The following BCL2L11 variants were observed in gnomAD, a reference collection of about 807,000 sequenced individuals.
The protein encoded by BCL2L11 is bcl-2-like protein 11.
BCL2L11 carries 15 observed loss-of-function variants against 20.6 expected under a neutral mutation model. The observed-to-expected ratio is 0.73, with a 90% CI of 0.49 to 1.12. The LOEUF (loss-of-function observed/expected upper bound fraction) is 1.12. Among genes scored for constraint, BCL2L11 ranks in the 50% most tolerant of loss-of-function variants. The pLI is 0.00. For synonymous variants in BCL2L11, 108 were observed against 92.8 expected, an observed-to-expected ratio of 1.16 and a Z score of -0.94; for missense variants, 292 against 260.9, an observed-to-expected ratio of 1.12 and a Z score of -0.82.
At chr2:111,123,318 G>A (rs889507208) in intron 1 of BCL2L11, 6 of 985,382 alleles carry the variant, frequency 6.1e-6, no homozygotes, top group African/African-American at 3.5e-5. Flanking sequence ...GCGGCCAGCC[G>A]CCTGCAATCG....
chr2:111,164,501 G>T lies in BCL2L11; in HGVS notation c.*270G>T. The T allele has an allele frequency of 3.1e-6, 1 of 317,560 alleles. No homozygotes were observed. The highest frequency in any genetic ancestry group is 5.2e-5 in the East Asian group (1 of 19,138). The allele number at this position is 317,560 out of a possible 1,614,324, so 19.7% of individuals were successfully genotyped here. The stretch of plus-strand genomic sequence containing the variant: ...TACAAACCATGGTTTTTTGGAGCAG[G>T]ATTTTGTGTAAGAATGGTGTTTACA... On this transcript the variant is annotated 3_prime_UTR_variant, in exon 4 of 4. Transcript: ENST00000393256.
chr2:111,157,122 G>A (rs980036300), intron 3 of BCL2L11, among the ~76,000 whole-genome samples: 4 of 152,224 alleles, frequency 2.6e-5, no homozygotes, highest in Admixed American at 6.5e-5. Flanking sequence ...CCACGTGTGA[G>A]TGCTCATCTG....
chr2:111,144,301 A>C (rs2076221583), intron 2 of BCL2L11, among the ~76,000 whole-genome samples: 1 of 152,180 alleles, frequency 6.6e-6, no homozygotes, highest in African/African-American at 2.4e-5. Context: ...GCTCAGCGGA[A>C]TTGATTGGGA....
At chr2:111,154,353 GA>G (rs556911619) in intron 3 of BCL2L11, among the ~76,000 whole-genome samples, 241 of 104,414 alleles carry the variant, frequency 2.3e-3, no homozygotes, top group Middle Eastern at 5.3e-3. Context: ...GCCCTTCTCA[GA>G]AAAAAAAAAA....
At chr2:111,126,538 T>TG (rs796879134) in intron 2 of BCL2L11, among the ~76,000 whole-genome samples, 1 of 152,184 alleles carries the variant, frequency 6.6e-6, no homozygotes, top group African/African-American at 2.4e-5. Context: ...GAGTTGGGGT[T>TG]GGGGGAGGAA....
chr2:111,143,011 G>A (rs536784873), intron 2 of BCL2L11, among the ~76,000 whole-genome samples: 8 of 152,234 alleles, frequency 5.3e-5, no homozygotes, highest in East Asian at 1.9e-4. Flanking sequence ...AGTTTACCTC[G>A]TCAGTAGAAA....
chr2:111,160,652 C>T (rs2078440446), intron 3 of BCL2L11, among the ~76,000 whole-genome samples: 1 of 152,134 alleles, frequency 6.6e-6, no homozygotes, highest in Non-Finnish European at 1.5e-5. Flanking sequence ...TCTTTGTGCA[C>T]TTGTGATTGT....
chr2:111,156,927 C>G (rs985661922), intron 3 of BCL2L11, among the ~76,000 whole-genome samples: 9 of 152,146 alleles, frequency 5.9e-5, no homozygotes, highest in Non-Finnish European at 1.2e-4. Flanking sequence ...AAGGGAGATG[C>G]CAGGAACTCT....
At position 111,164,267 on chromosome 2, in the gene BCL2L11, T is replaced by C; in HGVS notation, c.*36T>C. On this transcript the variant is annotated 3_prime_UTR_variant, in exon 4 of 4. Transcript: ENST00000393256. ...GCGGAGCCGAGATACCATGCAGACA[T>C]TTTGCTTGTTCAAACCAACAAGACC... is the stretch of plus-strand genomic sequence containing the variant. 4 of 1,500,304 alleles carry C rather than the reference T, an allele frequency of 2.7e-6. No homozygotes were observed. Among genetic ancestry groups the C allele is most frequent in the Non-Finnish European group, 3.7e-6 (4 of 1,076,694 alleles). The allele number at this position is 1,500,304 out of a possible 1,614,324, so 92.9% of individuals were successfully genotyped here.
intron 1 of BCL2L11, chr2:111,123,244 C>A: frequency 1.0e-6 from 1 of 985,496 alleles, no homozygotes; most frequent in Non-Finnish European, 1.2e-6. Context: ...CGGCCGCTGC[C>A]AGACCTTCCC....
chr2:111,139,165 G>T (rs72948337), intron 2 of BCL2L11, among the ~76,000 whole-genome samples: 340 of 152,300 alleles, frequency 2.2e-3, no homozygotes, highest in African/African-American at 7.8e-3. Flanking sequence ...GGAGGGGGGC[G>T]TGGGAAGAGG....
intron 3 of BCL2L11, among the ~76,000 whole-genome samples, chr2:111,154,901 C>T (rs1235354451): frequency 3.3e-5 from 5 of 152,192 alleles, no homozygotes; most frequent in African/African-American, 7.2e-5. Flanking sequence ...AATGATTTGG[C>T]GGGAGGCACC....
intron 3 of BCL2L11, among the ~76,000 whole-genome samples, chr2:111,163,707 C>T (rs926760453): frequency 2.6e-5 from 4 of 152,166 alleles, no homozygotes; most frequent in African/African-American, 9.7e-5. Flanking sequence ...CTTCTTAGGG[C>T]AGATTACTCC....
intron 3 of BCL2L11, among the ~76,000 whole-genome samples, chr2:111,157,474 A>G (rs1296452758): frequency 1.3e-5 from 2 of 152,116 alleles, no homozygotes; most frequent in East Asian, 3.9e-4. Flanking sequence ...TCTTCTCTGA[A>G]TCTAATATTC....
chr2:111,146,922 A>G (rs952175343), intron 2 of BCL2L11, among the ~76,000 whole-genome samples: 2 of 152,172 alleles, frequency 1.3e-5, no homozygotes, highest in Non-Finnish European at 1.5e-5. Context: ...AGTGTTTGCC[A>G]TTACTTTTAG....
chr2:111,168,154 CTTATGTT>C lies in BCL2L11; in HGVS notation c.*3930_*3936del, dbSNP rs3833441. 0.11 allele frequency: 16,341 copies of C among 152,538 alleles called. 1,183 individuals are homozygous for C. Among genetic ancestry groups the C allele is most frequent in the African/African-American group, 0.21 (8,553 of 41,474 alleles). The allele number at this position is 152,538 out of a possible 1,614,324, so 9.4% of individuals were successfully genotyped here. On this transcript the variant is annotated 3_prime_UTR_variant, in exon 4 of 4. Coordinates refer to ENST00000393256, the MANE Select transcript of BCL2L11 (RefSeq NM_138621.5). ...GGGAATTTCAGACTATAGAAGCTCT[CTTATGTT>C]TTATGTCCAGATTCTGTGACCACTA...
At chr2:111,153,291 A>G (rs991494308) in intron 3 of BCL2L11, among the ~76,000 whole-genome samples, 1 of 152,126 alleles carries the variant, frequency 6.6e-6, no homozygotes, top group African/African-American at 2.4e-5. Context: ...AGGCAGGAGA[A>G]TTGCTTGAAC....
At chr2:111,129,625 A>C (rs141681851) in intron 2 of BCL2L11, among the ~76,000 whole-genome samples, 21 of 152,356 alleles carry the variant, frequency 1.4e-4, no homozygotes, top group Middle Eastern at 6.8e-3. Context: ...TCAGTTTCAC[A>C]TGCAGTCCAT....
chr2:111,161,626 T>C, intron 3 of BCL2L11: 1 of 1,451,820 alleles, frequency 6.9e-7, no homozygotes, highest in South Asian at 1.4e-5. Flanking sequence ...GGCTCAGTCT[T>C]AGTGTCATAC....
Sources: allele counts gnomAD v4.1 joint callset (sites outside exome capture counted in the v4.1 genomes callset), GRCh38; gene constraint gnomAD v4.1.1; transcripts MANE v1.5; gene names NCBI Gene and HGNC (gene_info 2026-07-23, HGNC 2026-07-21).